Variants in MAPK4 observed in about 807,000 individuals in gnomAD.
MAPK4 encodes the protein mitogen-activated protein kinase 4.
Under a neutral mutation model 47.7 loss-of-function variants are expected in MAPK4, and 22 were observed. The observed-to-expected ratio is 0.46, with a 90% CI of 0.33 to 0.66. The LOEUF (loss-of-function observed/expected upper bound fraction) is 0.66, where lower values mean the gene tolerates loss of function less well. Among genes scored for constraint, MAPK4 ranks in the 30% least tolerant of loss-of-function variants. The pLI, the probability that MAPK4 is intolerant of heterozygous loss-of-function variation, is 0.02. For synonymous variants in MAPK4, 390 were observed against 365.7 expected, an observed-to-expected ratio of 1.07 and a Z score of -0.76; for missense variants, 736 against 831.7, an observed-to-expected ratio of 0.88 and a Z score of 1.42.
chr18:50,665,847 T>C (rs1444771864), intron 2 of MAPK4, among the ~76,000 whole-genome samples: 3 of 152,036 alleles, frequency 2.0e-5, no homozygotes, highest in African/African-American at 7.2e-5. Flanking sequence ...GCCAACTCTG[T>C]AGGAAGGAAT....
intron 1 of MAPK4, among the ~76,000 whole-genome samples, chr18:50,642,800 G>A (rs528789998): frequency 6.6e-6 from 1 of 152,194 alleles, no homozygotes; most frequent in Non-Finnish European, 1.5e-5. Flanking sequence ...TCACCAAAGA[G>A]GCAAGTGTTG....
intron 1 of MAPK4, among the ~76,000 whole-genome samples, chr18:50,577,151 T>C (rs1246867961): frequency 6.6e-6 from 1 of 152,170 alleles, no homozygotes; most frequent in Non-Finnish European, 1.5e-5. Context: ...GGTTTGGAAT[T>C]TTAAAAAGAT....
chr18:50,730,374 G>A lies in MAPK4; in HGVS notation c.*520G>A, dbSNP rs187725356. 2.3e-3 allele frequency: 347 copies of A among 153,170 alleles called. 4 individuals are homozygous for A. Among genetic ancestry groups the A allele is most frequent in the South Asian group, 0.016 (79 of 4,836 alleles). The allele number at this position is 153,170 out of a possible 1,614,324, so 9.5% of individuals were successfully genotyped here. A position where few individuals can be genotyped will look rare whatever the true frequency, so the allele number is the denominator to read the frequency against. On this transcript the variant is annotated 3_prime_UTR_variant, in exon 6 of 6. Coordinates refer to ENST00000400384, the MANE Select transcript of MAPK4 (RefSeq NM_002747.4). ...TAGAATGTCTTCCTCTACTGGGGTC[G>A]TTCTGGCTTTTTGTTAGAAACTTGG...
chr18:50,673,219 G>A (rs1320411672), intron 2 of MAPK4, among the ~76,000 whole-genome samples: 10 of 152,316 alleles, frequency 6.6e-5, no homozygotes, highest in Middle Eastern at 6.8e-3. Flanking sequence ...AGAGGTTGCC[G>A]TGAGCCGAGA....
upstream of MAPK4, among the ~76,000 whole-genome samples, chr18:50,559,651 C>A (rs2042133601): frequency 6.6e-6 from 1 of 150,500 alleles, no homozygotes; most frequent in Non-Finnish European, 1.5e-5. Flanking sequence ...TGCAGCCGCG[C>A]GGGGCTGGCG....
intron 1 of MAPK4, among the ~76,000 whole-genome samples, chr18:50,576,989 T>G (rs184726678): frequency 7.2e-5 from 11 of 152,150 alleles, no homozygotes; most frequent in Admixed American, 7.2e-4. Flanking sequence ...CCTGCTCTCC[T>G]GGAGCTTGGA....
At chr18:50,707,122 G>A (rs1228437228) in intron 2 of MAPK4, among the ~76,000 whole-genome samples, 2 of 152,200 alleles carry the variant, frequency 1.3e-5, no homozygotes, top group East Asian at 1.9e-4. Context: ...AGATGCAAAA[G>A]GACAAAGCCT....
At chr18:50,597,094 A>G (rs2042489012) in intron 1 of MAPK4, among the ~76,000 whole-genome samples, 1 of 152,212 alleles carries the variant, frequency 6.6e-6, no homozygotes, top group Admixed American at 6.5e-5. Flanking sequence ...TGTTTCTGTT[A>G]TCCCTAAAAG....
At chr18:50,691,862 T>C (rs770296127) in intron 2 of MAPK4, among the ~76,000 whole-genome samples, 52 of 151,648 alleles carry the variant, frequency 3.4e-4, no homozygotes, top group Non-Finnish European at 1.0e-4. Context: ...GACGGCAGAG[T>C]CTTTTCTTGT....
chr18:50,648,368 A>T (rs956204495), intron 1 of MAPK4, among the ~76,000 whole-genome samples: 3 of 152,092 alleles, frequency 2.0e-5, no homozygotes, highest in Non-Finnish European at 4.4e-5. Context: ...AGTGGGGAAG[A>T]CAGGTGCAGG....
intron 2 of MAPK4, among the ~76,000 whole-genome samples, chr18:50,691,543 G>A (rs1909216552): frequency 6.6e-6 from 1 of 152,154 alleles, no homozygotes; most frequent in Non-Finnish European, 1.5e-5. Context: ...CAAATCCTGA[G>A]GCATATTGTG....
intron 1 of MAPK4, among the ~76,000 whole-genome samples, chr18:50,635,661 G>A (rs1175954775): frequency 1.3e-5 from 2 of 152,182 alleles, no homozygotes; most frequent in African/African-American, 4.8e-5. Context: ...GCAAGACTCC[G>A]TGGTCTGGTT....
intron 1 of MAPK4, among the ~76,000 whole-genome samples, chr18:50,642,259 A>G (rs910863751): frequency 6.6e-6 from 1 of 152,202 alleles, no homozygotes; most frequent in African/African-American, 2.4e-5. Context: ...GTATTATTGT[A>G]TATTTGGGAA....
At chr18:50,720,072 G>T (rs1398266387) in intron 3 of MAPK4, among the ~76,000 whole-genome samples, 1 of 152,184 alleles carries the variant, frequency 6.6e-6, no homozygotes, top group Non-Finnish European at 1.5e-5. Flanking sequence ...CCTTCTTTCA[G>T]TAGGAAAGGG....
At chr18:50,686,368 C>A (rs1271297258) in intron 2 of MAPK4, among the ~76,000 whole-genome samples, 1 of 152,182 alleles carries the variant, frequency 6.6e-6, no homozygotes, top group Admixed American at 6.5e-5. Flanking sequence ...TTTCCAGCAA[C>A]AGGAGTTGAA....
chr18:50,662,680 C>A (rs942526853), intron 1 of MAPK4, among the ~76,000 whole-genome samples: 7 of 152,246 alleles, frequency 4.6e-5, no homozygotes, highest in Admixed American at 4.6e-4. Flanking sequence ...ACACGAGTAT[C>A]GATCCTTTGT....
At chr18:50,581,311 A>G (rs1320775815) in intron 1 of MAPK4, among the ~76,000 whole-genome samples, 2 of 152,170 alleles carry the variant, frequency 1.3e-5, no homozygotes, top group Non-Finnish European at 2.9e-5. Flanking sequence ...GGCCACAGAC[A>G]TCTGGAAGCT....
chr18:50,725,880 G>C, intron 4 of MAPK4, 82 bp from the exon 5 acceptor site: 2 of 1,135,794 alleles, frequency 1.8e-6, no homozygotes, highest in Non-Finnish European at 2.7e-6. Flanking sequence ...CACCAGCACA[G>C]AATGTCACCG....
At chr18:50,681,164 G>A (rs571471708) in intron 2 of MAPK4, among the ~76,000 whole-genome samples, 15 of 152,120 alleles carry the variant, frequency 9.9e-5, no homozygotes, top group Non-Finnish European at 2.1e-4. Flanking sequence ...GGCTGATGAC[G>A]TTGAACATCT....
Sources: gnomAD v4.1 joint callset for allele counts (sites outside exome capture counted in the v4.1 genomes callset) on GRCh38, gnomAD v4.1.1 for gene constraint, MANE v1.5 for transcripts, NCBI Gene and HGNC (gene_info 2026-07-23, HGNC 2026-07-21) for gene names.